DGKB: variants seen among roughly 807,000 people sequenced by gnomAD.
The protein encoded by DGKB is 90 kDa diacylglycerol kinase.
In DGKB, 67 loss-of-function variants were observed where a neutral mutation model predicts 114.3. That is an observed-to-expected ratio of 0.59 (90% CI 0.48 to 0.72). The LOEUF is 0.72. Among genes scored for constraint, DGKB ranks in the 30% least tolerant of loss-of-function variants. DGKB has a pLI of 0.00. For missense variants in DGKB, 907 were observed against 975.2 expected (o/e 0.93, Z 0.93); for synonymous variants, 398 against 323.1 (o/e 1.23, Z -2.49).
intron 23 of DGKB, among the ~76,000 whole-genome samples, chr7:14,314,572 A>T (rs561826338): frequency 6.6e-6 from 1 of 152,234 alleles, no homozygotes; most frequent in East Asian, 1.9e-4. Flanking sequence ...GGAGAAGGAA[A>T]GTTTAGAGAA....
In DGKB at chr7:14,736,557, G is replaced by T. The variant is rs148216837; in HGVS notation, c.169-363C>A. The stretch of plus-strand genomic sequence containing the variant: ...AGTTGTTGCAGTGATTAAATCAGGC[G>T]ATCACTGTGAACAAGCCAATACAGA... On this transcript the variant is annotated intron_variant, in intron 4 of 25. Coordinates refer to ENST00000402815, the MANE Select transcript of DGKB (RefSeq NM_001350709.2). 1.1e-4 allele frequency among the ~76,000 whole-genome samples: 16 copies of T among 152,230 alleles called. No individual in the cohort carries two copies. The South Asian group carries it at 2.9e-3, about 28-fold the overall frequency.
chr7:14,769,433 G>C (rs1449688439), intron 2 of DGKB, among the ~76,000 whole-genome samples: 1 of 151,730 alleles, frequency 6.6e-6, no homozygotes, highest in Admixed American at 6.6e-5. Flanking sequence ...GAATTCCTTT[G>C]ACCGATGTGC....
chr7:14,567,351 AT>A (rs1797648600), intron 20 of DGKB, among the ~76,000 whole-genome samples: 9 of 37,952 alleles, frequency 2.4e-4, no homozygotes, highest in South Asian at 8.5e-4. Context: ...TATTATATAT[AT>A]AATTATATTA....
At chr7:14,808,865 A>T (rs1319839935) in intron 2 of DGKB, among the ~76,000 whole-genome samples, 33 of 152,116 alleles carry the variant, frequency 2.2e-4, no homozygotes, top group Non-Finnish European at 1.2e-4. Flanking sequence ...TCTATTCCTC[A>T]ACTGAAAATA....
intron 21 of DGKB, among the ~76,000 whole-genome samples, chr7:14,459,768 G>C (rs1584106157): frequency 1.3e-5 from 2 of 152,234 alleles, no homozygotes; most frequent in Middle Eastern, 6.8e-3. Context: ...TACTCGTTGA[G>C]AAGAGCAACC....
At chr7:14,697,134 T>A (rs1400819671) in intron 8 of DGKB, among the ~76,000 whole-genome samples, 2 of 152,228 alleles carry the variant, frequency 1.3e-5, no homozygotes, top group African/African-American at 4.8e-5. Flanking sequence ...TATATTTTAA[T>A]ATGTATTTTA....
intron 25 of DGKB, chr7:14,176,507 G>C (rs536039859): frequency 9.8e-7 from 1 of 1,020,264 alleles, no homozygotes; most frequent in East Asian, 8.1e-5. Context: ...AATGTGCTCT[G>C]AAATAAACAA....
At chr7:14,833,070 C>T (rs1056262978) in intron 2 of DGKB, among the ~76,000 whole-genome samples, 26 of 152,186 alleles carry the variant, frequency 1.7e-4, no homozygotes, top group African/African-American at 6.0e-4. Context: ...CATCCTTCTT[C>T]CTTAGTCTCC....
At chr7:14,553,443 A>G (rs1292169019) in intron 20 of DGKB, among the ~76,000 whole-genome samples, 1 of 152,218 alleles carries the variant, frequency 6.6e-6, no homozygotes, top group Non-Finnish European at 1.5e-5. Flanking sequence ...AAATTGCTAT[A>G]TAAGTAAGTG....
At chr7:14,564,502 G>C (rs189586918) in intron 20 of DGKB, among the ~76,000 whole-genome samples, 141 of 152,266 alleles carry the variant, frequency 9.3e-4, no homozygotes, top group African/African-American at 3.2e-3. Flanking sequence ...GTCTGTAAAA[G>C]ATTTCTGAAG....
At chr7:14,785,258 C>A (rs1488161246) in intron 2 of DGKB, among the ~76,000 whole-genome samples, 5 of 152,022 alleles carry the variant, frequency 3.3e-5, no homozygotes, top group Non-Finnish European at 7.4e-5. Flanking sequence ...TTTTAAAATT[C>A]TTTTCAAGTA....
intron 5 of DGKB, among the ~76,000 whole-genome samples, chr7:14,719,770 C>T (rs1428649734): frequency 2.6e-5 from 4 of 152,140 alleles, no homozygotes; most frequent in Non-Finnish European, 5.9e-5. Context: ...TGTGATATGT[C>T]CCAAGTTAGT....
At chr7:14,683,709 T>C (rs535301554) in intron 10 of DGKB, among the ~76,000 whole-genome samples, 38 of 152,054 alleles carry the variant, frequency 2.5e-4, no homozygotes, top group African/African-American at 9.2e-4. Context: ...AGCAAAAAAC[T>C]AACCACTGCC....
chr7:14,627,898 A>G (rs1852070), intron 14 of DGKB, among the ~76,000 whole-genome samples: 97,341 of 151,168 alleles, frequency 0.64, 31,726 homozygotes, highest in Admixed American at 0.74. Context: ...AGCCGAGATC[A>G]TGCCACTGTA....
chr7:14,188,577 G>A (rs1207674816), intron 23 of DGKB, among the ~76,000 whole-genome samples: 2 of 124,394 alleles, frequency 1.6e-5, no homozygotes, highest in African/African-American at 5.8e-5. Context: ...GGAGAATGGC[G>A]TGAACCCGGG....
intron 1 of DGKB, among the ~76,000 whole-genome samples, chr7:14,899,521 C>A (rs997901265): frequency 6.6e-6 from 1 of 152,128 alleles, no homozygotes; most frequent in East Asian, 1.9e-4. Flanking sequence ...TATTTTTGGA[C>A]CAGCCTTCCA....
intron 23 of DGKB, among the ~76,000 whole-genome samples, chr7:14,316,994 A>G (rs1355321003): frequency 2.3e-5 from 1 of 42,940 alleles, no homozygotes; most frequent in Non-Finnish European, 4.2e-5. Flanking sequence ...GCAAATCAAT[A>G]AATGTAATCC....
chr7:14,567,205 TA>T (rs1218030139), intron 20 of DGKB, among the ~76,000 whole-genome samples: 7 of 80,702 alleles, frequency 8.7e-5, no homozygotes, highest in African/African-American at 2.2e-4. Flanking sequence ...ATATTATATA[TA>T]TTATATATTT....
chr7:14,377,068 C>T (rs752470149), intron 21 of DGKB, among the ~76,000 whole-genome samples: 6 of 152,262 alleles, frequency 3.9e-5, no homozygotes, highest in Non-Finnish European at 5.9e-5. Context: ...GTGACAGCAT[C>T]TGGGTTATAG....
Sources: allele counts gnomAD v4.1 joint callset (sites outside exome capture counted in the v4.1 genomes callset), GRCh38; gene constraint gnomAD v4.1.1; transcripts MANE v1.5; gene names NCBI Gene and HGNC (gene_info 2026-07-23, HGNC 2026-07-21).